The following PTPRT variants were observed in gnomAD, a reference collection of about 807,000 sequenced individuals.
The protein encoded by PTPRT is receptor-type tyrosine-protein phosphatase T.
Under a neutral mutation model 176.8 loss-of-function variants are expected in PTPRT, and 56 were observed. That is an observed-to-expected ratio of 0.32 (90% CI 0.26 to 0.40). The LOEUF is 0.40. Among genes scored for constraint, PTPRT ranks in the 10% least tolerant of loss-of-function variants. PTPRT has a pLI of 1.00. For synonymous variants in PTPRT, 783 were observed against 739.0 expected, an observed-to-expected ratio of 1.06 and a Z score of -0.96; for missense variants, 1,540 against 1,908.2, an observed-to-expected ratio of 0.81 and a Z score of 3.60.
intron 9 of PTPRT, among the ~76,000 whole-genome samples, chr20:42,428,230 G>A (rs1197566608): frequency 6.6e-6 from 1 of 152,218 alleles, no homozygotes; most frequent in Non-Finnish European, 1.5e-5. Flanking sequence ...TACAGTTGGA[G>A]AAATGCTACC....
chr20:42,534,541 C>T (rs2072441766), intron 7 of PTPRT, among the ~76,000 whole-genome samples: 1 of 152,096 alleles, frequency 6.6e-6, no homozygotes. Context: ...GAGGCTGAGG[C>T]AGGAGAATGG....
chr20:42,511,337 C>A (rs115546796), intron 7 of PTPRT, among the ~76,000 whole-genome samples: 1,769 of 152,190 alleles, frequency 0.012, 37 homozygotes, highest in African/African-American at 0.041. Context: ...CAGACTTATC[C>A]TAGCCAAGAC....
chr20:43,094,277 G>A (rs562253773), intron 1 of PTPRT, among the ~76,000 whole-genome samples: 29 of 150,006 alleles, frequency 1.9e-4, no homozygotes, highest in African/African-American at 5.1e-4. Context: ...TAGTAGAGAC[G>A]GGGTTTCACC....
intron 1 of PTPRT, among the ~76,000 whole-genome samples, chr20:43,148,888 C>T (rs1434224551): frequency 6.6e-6 from 1 of 152,130 alleles, no homozygotes; most frequent in Non-Finnish European, 1.5e-5. Context: ...TGCAAAACAT[C>T]AGTAGTATCT....
chr20:42,313,425 C>G (rs552774643), intron 12 of PTPRT, among the ~76,000 whole-genome samples: 1 of 151,998 alleles, frequency 6.6e-6, no homozygotes, highest in Admixed American at 6.6e-5. Flanking sequence ...GATCAGGACC[C>G]CTTTCCTGTA....
intron 7 of PTPRT, among the ~76,000 whole-genome samples, chr20:42,481,884 T>G (rs1490093393): frequency 6.6e-6 from 1 of 152,142 alleles, no homozygotes; most frequent in Non-Finnish European, 1.5e-5. Context: ...TAGAGTTTTC[T>G]CTGAGGTATG....
At chr20:42,845,255 A>G (rs1387454073) in intron 2 of PTPRT, among the ~76,000 whole-genome samples, 1 of 150,384 alleles carries the variant, frequency 6.6e-6, no homozygotes, top group African/African-American at 2.4e-5. Flanking sequence ...GACTGGGGAA[A>G]GCTAAAGGGC....
At chr20:42,951,954 T>A (rs1364798388) in intron 1 of PTPRT, among the ~76,000 whole-genome samples, 1 of 152,166 alleles carries the variant, frequency 6.6e-6, no homozygotes, top group Non-Finnish European at 1.5e-5. Flanking sequence ...CAAGAAAATG[T>A]TTTTAACACC....
intron 7 of PTPRT, among the ~76,000 whole-genome samples, chr20:42,575,193 A>G (rs2073235463): frequency 1.3e-5 from 2 of 152,180 alleles, no homozygotes; most frequent in Admixed American, 1.3e-4. Context: ...GGTGGGTCCC[A>G]GCCAAGAGAC....
chr20:42,958,400 GTGGGAAAGGGAAGA>G, intron 1 of PTPRT, among the ~76,000 whole-genome samples: 1 of 79,840 alleles, frequency 1.3e-5, no homozygotes, highest in African/African-American at 5.0e-5. Context: ...AAAGGGAATG[GTGGGAAAGGGAAGA>G]AGGGAGGAAA....
chr20:42,620,226 G>C (rs538787715), intron 7 of PTPRT, among the ~76,000 whole-genome samples: 24,481 of 145,502 alleles, frequency 0.17, 2,535 homozygotes, highest in African/African-American at 0.3. Flanking sequence ...TGCCCCTGCT[G>C]GGGGGTGCCT....
chr20:42,179,075 A>C (rs1292477433), intron 16 of PTPRT, among the ~76,000 whole-genome samples: 2 of 152,222 alleles, frequency 1.3e-5, no homozygotes, highest in Non-Finnish European at 2.9e-5. Context: ...CATAGGAGGC[A>C]GGGATCATTG....
chr20:42,596,616 G>A (rs1050042209), intron 7 of PTPRT, among the ~76,000 whole-genome samples: 1 of 152,136 alleles, frequency 6.6e-6, no homozygotes, highest in Non-Finnish European at 1.5e-5. Context: ...ACTCTCTCCT[G>A]GCTTCCACAT....
chr20:42,088,919 T>C (rs978445225), intron 27 of PTPRT, among the ~76,000 whole-genome samples: 45 of 152,220 alleles, frequency 3.0e-4, no homozygotes, highest in African/African-American at 9.6e-4. Flanking sequence ...CATTGTTGAA[T>C]CCATCAGTGC....
intron 2 of PTPRT, among the ~76,000 whole-genome samples, chr20:42,831,360 C>T (rs537351656): frequency 7.2e-5 from 11 of 152,150 alleles, no homozygotes; most frequent in African/African-American, 2.6e-4. Context: ...TTCCTTATAC[C>T]CTATACAAAA....
intron 7 of PTPRT, among the ~76,000 whole-genome samples, chr20:42,579,233 T>G (rs1438834493): frequency 2.0e-5 from 3 of 152,208 alleles, no homozygotes; most frequent in East Asian, 1.9e-4. Context: ...ACAAAGGACA[T>G]GAACTCATCA....
intron 3 of PTPRT, among the ~76,000 whole-genome samples, chr20:42,782,387 G>C (rs2077227669): frequency 2.6e-5 from 4 of 152,196 alleles, no homozygotes; most frequent in Admixed American, 2.6e-4. Flanking sequence ...CCAGGTCACA[G>C]ATCTGTATTT....
chr20:42,825,429 T>C (rs1275759507), intron 2 of PTPRT, among the ~76,000 whole-genome samples: 1 of 152,066 alleles, frequency 6.6e-6, no homozygotes, highest in African/African-American at 2.4e-5. Context: ...GAATATTTAA[T>C]GACATAAAAA....
chr20:42,400,416 G>A (rs1425502998), intron 9 of PTPRT, among the ~76,000 whole-genome samples: 1 of 152,040 alleles, frequency 6.6e-6, no homozygotes, highest in East Asian at 1.9e-4. Flanking sequence ...CTTCCCTTGA[G>A]GAGTTCAAGC....
Sources: allele counts gnomAD v4.1 joint callset (sites outside exome capture counted in the v4.1 genomes callset), GRCh38; gene constraint gnomAD v4.1.1; transcripts MANE v1.5; gene names NCBI Gene and HGNC (gene_info 2026-07-23, HGNC 2026-07-21).